KMT2A: variants seen among roughly 807,000 people sequenced by gnomAD.
KMT2A encodes the protein histone-lysine N-methyltransferase 2A.
Under a neutral mutation model 345.3 loss-of-function variants are expected in KMT2A, and 16 were observed. That is an observed-to-expected ratio of 0.05 (90% confidence interval 0.03 to 0.07). KMT2A has a LOEUF of 0.07. Ranked by LOEUF, KMT2A falls within the 10% of genes least tolerant of loss-of-function variation. The pLI is 1.00. For missense variants in KMT2A, 3,272 were observed against 4,841.6 expected (o/e 0.68, Z 9.62); for synonymous variants, 1,599 against 1,778.6 (o/e 0.90, Z 2.54).
At position 118,518,639 on chromosome 11, in the gene KMT2A, T is replaced by C. The variant is rs185765474; in HGVS notation, c.11147-979T>C. On this transcript the variant is annotated intron_variant, in intron 31 of 35. Coordinates refer to ENST00000534358, the MANE Select transcript of KMT2A (RefSeq NM_001197104.2). ...CTACTAAAAATACAAAAAAATTAGC[T>C]GGGCATGGTGACGTGCCCCTGTAGT... Among the ~76,000 whole-genome samples, 678 of 151,898 alleles carry C rather than the reference T, an allele frequency of 4.5e-3. 2 individuals carry two copies. Among genetic ancestry groups the C allele is most frequent in the African/African-American group, 0.016 (649 of 41,418 alleles).
intron 1 of KMT2A, among the ~76,000 whole-genome samples, chr11:118,463,286 A>C (rs1949781766): frequency 6.6e-6 from 1 of 152,154 alleles, no homozygotes; most frequent in Admixed American, 6.6e-5. Context: ...ATAACTTTTT[A>C]TTACCTGTTG....
At position 118,436,717 on chromosome 11, in the gene KMT2A, A is replaced by C; in HGVS notation, c.205A>C (p.Ser69Arg). The C allele has an allele frequency of 2.1e-6, 3 of 1,395,478 alleles. No individual in the cohort carries two copies. The highest frequency in any genetic ancestry group is 2.8e-6 in the Non-Finnish European group (3 of 1,068,088). The allele number at this position is 1,395,478 out of a possible 1,614,324, so 86.4% of individuals were successfully genotyped here. The change falls in exon 1 of 36, where the codon AGC becomes CGC. Residue 69 changes from serine to arginine, a missense_variant. This residue lies in a region of KMT2A where 412 missense variants were observed against 511.0 expected (regional missense o/e 0.81). Transcript: ENST00000534358. This position sits in a 1 kb window ranked among gnomAD's most constrained non-coding sequence, Gnocchi z 6.9. Reference sequence around the variant, plus strand: ...GGCGGCCGCGGCGGCGGCGGCGGGAAGCAGCGGGGCTGGGGTTCCAGGGGG... The same window carrying C: ...GGCGGCCGCGGCGGCGGCGGCGGGACGCAGCGGGGCTGGGGTTCCAGGGGG... ...AVAAAAAAAG[S>R]SGAGVPGGAA...
At chr11:118,475,901 T>A (rs1229469513) in intron 3 of KMT2A, among the ~76,000 whole-genome samples, 1 of 152,118 alleles carries the variant, frequency 6.6e-6, no homozygotes, top group African/African-American at 2.4e-5. Context: ...TTTTGGAGCC[T>A]TTTATACTTT....
At chr11:118,483,173 C>T (rs541756890) in intron 8 of KMT2A, among the ~76,000 whole-genome samples, 2 of 149,510 alleles carry the variant, frequency 1.3e-5, no homozygotes, top group Non-Finnish European at 3.0e-5. Flanking sequence ...GCGGAGGCTG[C>T]AGTGAGCCGA....
intron 8 of KMT2A, 82 bp downstream of exon 8, chr11:118,482,577 T>A: frequency 1.0e-6 from 1 of 969,146 alleles, no homozygotes; most frequent in Non-Finnish European, 1.6e-6. Flanking sequence ...GACTTCTATG[T>A]AGATGGCAGT....
chr11:118,488,497 G>T (rs1555041534), intron 10 of KMT2A, 117 bp from the exon 11 acceptor site: 2 of 978,506 alleles, frequency 2.0e-6, no homozygotes, highest in Non-Finnish European at 3.3e-6. Flanking sequence ...AATATGTATT[G>T]AATTAAATAT....
chr11:118,469,737 G>A (rs1336036357), intron 2 of KMT2A, among the ~76,000 whole-genome samples: 2 of 152,154 alleles, frequency 1.3e-5, no homozygotes, highest in Non-Finnish European at 2.9e-5. Flanking sequence ...GATATTGTTA[G>A]CTGTTTCTGC....
intron 11 of KMT2A, among the ~76,000 whole-genome samples, chr11:118,489,295 C>A (rs145323316): frequency 1.1e-3 from 161 of 151,382 alleles, no homozygotes; most frequent in Admixed American, 3.6e-3. Context: ...AAATGCTGCA[C>A]CATTTTGTCT....
In KMT2A at chr11:118,506,573, T is replaced by C. The variant is rs1555048544; in HGVS notation, c.10681T>C (p.Ser3561Pro). The change falls in exon 27 of 36, where the codon TCC becomes CCC. Residue 3561 changes from serine (S) to proline (P), a missense_variant. By Grantham distance (74) the Ser-to-Pro change is moderately conservative. This residue lies in a region of KMT2A where 748 missense variants were observed against 922.2 expected (regional missense o/e 0.81). Transcript: ENST00000534358. ...AGGGAATGGCAAGAAGCACAAAGTT[T>C]CCCATTTGCGGACCAGTTCTTCTGA... ...DKGNGKKHKV[S>P]HLRTSSSEAH... The C allele has an allele frequency of 6.2e-7, 1 of 1,614,132 alleles. No homozygotes were observed. The highest frequency in any genetic ancestry group is 2.2e-5 in the East Asian group (1 of 44,878).
Position 118,505,554 on chromosome 11 carries a change from T to C in KMT2A, c.9662T>C (p.Leu3221Pro), listed in dbSNP as rs781864279. 3.1e-6 allele frequency: 5 copies of C among 1,614,144 alleles called. No individual in the cohort carries two copies. The highest frequency in any genetic ancestry group is 4.2e-6 in the Non-Finnish European group (5 of 1,180,028). ...ACAGTAGCCACTCCATCCTCTGGAC[T>C]CAAGAAAAGACCCATATCTCGTCTA... ...STTVATPSSG[L>P]KKRPISRLQT... The change falls in exon 27 of 36, where the codon CTC becomes CCC. Residue 3221 changes from leucine to proline, a missense_variant. Leu to Pro is a moderately conservative substitution (Grantham distance 98, BLOSUM62 -3). Around this residue, in one of 27 missense-constraint regions of KMT2A, gnomAD observed 748 missense variants for 922.2 expected, o/e 0.81. Transcript: ENST00000534358. The surrounding 1 kb of genome is among the most constrained non-coding windows in gnomAD (Gnocchi z 4.6).
chr11:118,451,175 G>A (rs1002192895), intron 1 of KMT2A, among the ~76,000 whole-genome samples: 37 of 150,318 alleles, frequency 2.5e-4, no homozygotes, highest in African/African-American at 8.3e-4. Flanking sequence ...CATTGGAGAC[G>A]TCCCTTCCCT....
At chr11:118,447,351 G>A (rs1555027451) in intron 1 of KMT2A, among the ~76,000 whole-genome samples, 1 of 152,098 alleles carries the variant, frequency 6.6e-6, no homozygotes, top group Non-Finnish European at 1.5e-5. Context: ...AAAATTTGAT[G>A]TCCATACAAC....
rs371822279 is a variant in KMT2A at position 118,496,408 on chromosome 11, C to T, written c.5664+41C>T. 6 of 1,349,710 alleles carry T rather than the reference C, an allele frequency of 4.4e-6. No individual in the cohort carries two copies. In the African/African-American group the frequency reaches 8.6e-5, roughly 19 times the overall value. The allele number at this position is 1,349,710 out of a possible 1,614,324, so 83.6% of individuals were successfully genotyped here. ...CACAGGGCCCTAGTTAATACATACT[C>T]CAAAAGAACTGTTTGTCCTTGTGTC... On this transcript the variant is annotated intron_variant, in intron 20 of 35. Transcript: ENST00000534358. The surrounding 1 kb of genome is among the most constrained non-coding windows in gnomAD (Gnocchi z 4.7).
chr11:118,474,967 T>TA (rs782017800), intron 3 of KMT2A, among the ~76,000 whole-genome samples: 3,495 of 136,206 alleles, frequency 0.026, 109 homozygotes, highest in African/African-American at 0.073. Flanking sequence ...TCATCTCTAC[T>TA]AAAAAAAAAA....
intron 6 of KMT2A, 152 bp from the exon 7 acceptor site, chr11:118,481,563 A>G: frequency 1.3e-6 from 1 of 757,626 alleles, no homozygotes; most frequent in South Asian, 2.1e-5. Context: ...AGGAAACATG[A>G]GAGTGCAGAT....
In KMT2A at chr11:118,478,219, T is replaced by G; in HGVS notation, c.3569+18T>G. ...TGCTGCAAGTAAGTGGGTGTTTCAC[T>G]CTGAGATGTTGACCTCTCAACCATA... On this transcript the variant is annotated intron_variant, in intron 5 of 35. Transcript: ENST00000534358. The G allele has an allele frequency of 6.3e-7, 1 of 1,584,306 alleles. No individual in the cohort carries two copies. The highest frequency in any genetic ancestry group is 8.7e-7 in the Non-Finnish European group (1 of 1,154,534).
Position 118,501,582 on chromosome 11 carries a change from C to T in KMT2A, c.6320-90C>T, listed in dbSNP as rs1950501604. 5 of 1,133,654 alleles carry T rather than the reference C, an allele frequency of 4.4e-6. No homozygotes were observed. The East Asian group carries it at 1.2e-4, about 28-fold the overall frequency. The allele number at this position is 1,133,654 out of a possible 1,614,324, so 70.2% of individuals were successfully genotyped here. ...GAAGTCTCATTTGCTTCTAGTTTTACATTTACCTGATAGCTGACTTTTTAT... is the reference window on the plus strand; with the variant it reads ...GAAGTCTCATTTGCTTCTAGTTTTATATTTACCTGATAGCTGACTTTTTAT... On this transcript the variant is annotated intron_variant, in intron 25 of 35. Coordinates refer to ENST00000534358, the MANE Select transcript of KMT2A (RefSeq NM_001197104.2).
At chr11:118,465,335 A>G (rs552555743) in intron 1 of KMT2A, among the ~76,000 whole-genome samples, 39 of 152,304 alleles carry the variant, frequency 2.6e-4, no homozygotes, top group African/African-American at 8.7e-4. Flanking sequence ...CACGACCCCC[A>G]GTTCTTTAGG....
chr11:118,441,895 T>G (rs1244493698), intron 1 of KMT2A, among the ~76,000 whole-genome samples: 3 of 152,222 alleles, frequency 2.0e-5, no homozygotes, highest in Non-Finnish European at 4.4e-5. Flanking sequence ...CTCATCTCTT[T>G]GCTCACCTTA....
Sources: allele counts gnomAD v4.1 joint callset (sites outside exome capture counted in the v4.1 genomes callset), GRCh38; gene constraint gnomAD v4.1.1; regional missense constraint gnomAD v4.1.1; non-coding constraint Gnocchi (gnomAD v3.1); transcripts MANE v1.5; gene names NCBI Gene and HGNC (gene_info 2026-07-23, HGNC 2026-07-21).